The following HS6ST3 variants were observed in gnomAD, a reference collection of about 807,000 sequenced individuals.
The protein encoded by HS6ST3 is heparan sulfate 6-O-sulfotransferase 3, also known as heparan-sulfate 6-O-sulfotransferase 3.
HS6ST3 carries 12 observed loss-of-function variants against 36.7 expected under a neutral mutation model. That is an observed-to-expected ratio of 0.33 (90% CI 0.21 to 0.53). The LOEUF is 0.53. Ranked by LOEUF, HS6ST3 falls within the 20% of genes least tolerant of loss-of-function variation. The pLI is 0.95. For missense variants in HS6ST3, 584 were observed against 640.9 expected (o/e 0.91, Z 0.96); for synonymous variants, 240 against 257.5 (o/e 0.93, Z 0.65).
chr13:96,112,809 T>TA, intron 1 of HS6ST3, among the ~76,000 whole-genome samples: 1 of 151,218 alleles, frequency 6.6e-6, no homozygotes, highest in Non-Finnish European at 1.5e-5. Context: ...GAAGACAACA[T>TA]AACTTAAATA....
chr13:96,605,093 C>T (rs1044685749), intron 1 of HS6ST3, among the ~76,000 whole-genome samples: 3 of 152,044 alleles, frequency 2.0e-5, no homozygotes, highest in Non-Finnish European at 4.4e-5. Context: ...GGTGGTTTTC[C>T]AGCTCAGTCA....
intron 1 of HS6ST3, among the ~76,000 whole-genome samples, chr13:96,165,383 C>T (rs2054155596): frequency 6.6e-6 from 1 of 152,128 alleles, no homozygotes; most frequent in Non-Finnish European, 1.5e-5. Context: ...CCCTGGAGGA[C>T]TCCTTAGTTT....
intron 1 of HS6ST3, among the ~76,000 whole-genome samples, chr13:96,198,645 CA>C (rs1463344843): frequency 6.6e-6 from 1 of 152,170 alleles, no homozygotes; most frequent in Non-Finnish European, 1.5e-5. Context: ...TAAAACATAA[CA>C]AGAGTCACCT....
At chr13:96,405,105 C>G (rs1220202735) in intron 1 of HS6ST3, among the ~76,000 whole-genome samples, 1 of 152,164 alleles carries the variant, frequency 6.6e-6, no homozygotes, top group East Asian at 1.9e-4. Flanking sequence ...AAACCTCTTT[C>G]TTTTGTAAAT....
At chr13:96,754,368 T>C (rs1384867268) in intron 1 of HS6ST3, among the ~76,000 whole-genome samples, 1 of 152,200 alleles carries the variant, frequency 6.6e-6, no homozygotes, top group East Asian at 1.9e-4. Context: ...TCATACATAA[T>C]GCTATTGTGG....
At chr13:96,793,485 G>C (rs1877838981) in intron 1 of HS6ST3, among the ~76,000 whole-genome samples, 1 of 152,066 alleles carries the variant, frequency 6.6e-6, no homozygotes, top group South Asian at 2.1e-4. Flanking sequence ...AGCAGACCTG[G>C]TAGGTGGGAG....
chr13:96,109,286 GGA>G (rs2053857160), intron 1 of HS6ST3, among the ~76,000 whole-genome samples: 1 of 152,128 alleles, frequency 6.6e-6, no homozygotes, highest in Non-Finnish European at 1.5e-5. Context: ...CCTAGTGTCT[GGA>G]AACCAACTGT....
chr13:96,203,666 T>A (rs2054354572), intron 1 of HS6ST3, among the ~76,000 whole-genome samples: 1 of 152,192 alleles, frequency 6.6e-6, no homozygotes, highest in Non-Finnish European at 1.5e-5. Flanking sequence ...GTGGGAAGGA[T>A]GCTAGAAGCC....
intron 1 of HS6ST3, among the ~76,000 whole-genome samples, chr13:96,210,802 C>G (rs1454058516): frequency 6.6e-6 from 1 of 151,712 alleles, no homozygotes; most frequent in African/African-American, 2.4e-5. Context: ...CCATGTTGGT[C>G]AGGCTGGTCG....
At chr13:96,556,032 C>T (rs558829425) in intron 1 of HS6ST3, among the ~76,000 whole-genome samples, 35 of 152,286 alleles carry the variant, frequency 2.3e-4, no homozygotes, top group African/African-American at 7.9e-4. Context: ...ATCTTGATCT[C>T]CCGTGCATAT....
intron 1 of HS6ST3, among the ~76,000 whole-genome samples, chr13:96,364,677 T>C (rs1262620218): frequency 6.6e-6 from 1 of 152,092 alleles, no homozygotes; most frequent in Non-Finnish European, 1.5e-5. Flanking sequence ...GTTCAGGAAA[T>C]GGATAGTGGT....
intron 1 of HS6ST3, among the ~76,000 whole-genome samples, chr13:96,174,709 A>G (rs995103441): frequency 6.6e-6 from 1 of 152,218 alleles, no homozygotes; most frequent in Non-Finnish European, 1.5e-5. Context: ...ACCAATAAGG[A>G]ACATTTACAA....
intron 1 of HS6ST3, among the ~76,000 whole-genome samples, chr13:96,122,184 A>G (rs943550743): frequency 6.6e-6 from 1 of 150,720 alleles, no homozygotes; most frequent in Non-Finnish European, 1.5e-5. Flanking sequence ...TGAGGCACGG[A>G]GAAGTAATTT....
intron 1 of HS6ST3, among the ~76,000 whole-genome samples, chr13:96,463,160 G>C (rs7333386): frequency 0.16 from 24,233 of 152,038 alleles, 1,992 homozygotes; most frequent in Middle Eastern, 0.23. Flanking sequence ...TTTGAAAAAA[G>C]AAAGTGCAGA....
At chr13:96,603,376 A>G (rs758984831) in intron 1 of HS6ST3, among the ~76,000 whole-genome samples, 2 of 152,150 alleles carry the variant, frequency 1.3e-5, no homozygotes, top group African/African-American at 2.4e-5. Context: ...TATGTTTGTG[A>G]TGTTCACCTA....
At chr13:96,172,321 A>T (rs1357676033) in intron 1 of HS6ST3, among the ~76,000 whole-genome samples, 1 of 152,170 alleles carries the variant, frequency 6.6e-6, no homozygotes, top group Non-Finnish European at 1.5e-5. Flanking sequence ...CCAGTGTTGA[A>T]ACCATGAACC....
At chr13:96,569,425 GAA>G in intron 1 of HS6ST3, among the ~76,000 whole-genome samples, 1 of 152,286 alleles carries the variant, frequency 6.6e-6, no homozygotes, top group South Asian at 2.1e-4. Flanking sequence ...CAGAGAGATG[GAA>G]AGAGCCTGGG....
At chr13:96,711,374 T>C (rs1010810576) in intron 1 of HS6ST3, among the ~76,000 whole-genome samples, 3 of 152,252 alleles carry the variant, frequency 2.0e-5, no homozygotes, top group African/African-American at 7.2e-5. Flanking sequence ...TTCCTAAATA[T>C]ATTCATAATT....
chr13:96,214,445 C>A (rs1229123664), intron 1 of HS6ST3, among the ~76,000 whole-genome samples: 1 of 152,116 alleles, frequency 6.6e-6, no homozygotes, highest in African/African-American at 2.4e-5. Context: ...CTAGTCAATT[C>A]ATCTCATTAT....
Sources: allele counts gnomAD v4.1 joint callset (sites outside exome capture counted in the v4.1 genomes callset), GRCh38; gene constraint gnomAD v4.1.1; transcripts MANE v1.5; gene names NCBI Gene and HGNC (gene_info 2026-07-23, HGNC 2026-07-21).